The following ATXN10 variants were observed in gnomAD, a reference collection of about 807,000 sequenced individuals.
The protein encoded by ATXN10 is ataxin-10.
ATXN10 carries 28 observed loss-of-function variants against 52.9 expected under a neutral mutation model. That is an observed-to-expected ratio of 0.53 (90% CI 0.39 to 0.73). The LOEUF is 0.73. Ranked by LOEUF, ATXN10 falls within the 30% of genes least tolerant of loss-of-function variation. ATXN10 has a pLI of 0.00. For synonymous variants in ATXN10, 226 were observed against 221.5 expected, an observed-to-expected ratio of 1.02 and a Z score of -0.18; for missense variants, 565 against 577.0, an observed-to-expected ratio of 0.98 and a Z score of 0.21.
chr22:45,795,869 G>A lies in ATXN10; in HGVS notation c.1174-11090G>A, dbSNP rs372539592. 2.0e-5 allele frequency among the ~76,000 whole-genome samples: 3 copies of A among 152,292 alleles called. No homozygotes were observed. Among genetic ancestry groups the A allele is most frequent in the African/African-American group, 7.2e-5 (3 of 41,560 alleles). On this transcript the variant is annotated intron_variant, in intron 9 of 11. Transcript: ENST00000252934. The surrounding 1 kb of genome is among the most constrained non-coding windows in gnomAD (Gnocchi z 4.6). ...TCATCTTCATAAGCTGAGGATGTATGTCACCTCAGGATCCCGTGATGATCA... is the reference window on the plus strand; with the variant it reads ...TCATCTTCATAAGCTGAGGATGTATATCACCTCAGGATCCCGTGATGATCA...
At chr22:45,700,986 C>G (rs575421845) in intron 4 of ATXN10, among the ~76,000 whole-genome samples, 2 of 152,206 alleles carry the variant, frequency 1.3e-5, no homozygotes, top group East Asian at 3.9e-4. Flanking sequence ...TTCTTAAAAA[C>G]CAGCTCTGTT....
At chr22:45,672,333 G>T (rs377225881) in intron 1 of ATXN10, 154 bp downstream of exon 1, 8 of 833,898 alleles carry the variant, frequency 9.6e-6, no homozygotes, top group African/African-American at 1.8e-5. Context: ...CAGGCCTCCC[G>T]ACTCCCAGGC....
rs1926605095 is a variant in ATXN10 at position 45,766,990 on chromosome 22, C to G, written c.1173+26452C>G. 6.6e-6 allele frequency among the ~76,000 whole-genome samples: 1 copy of G among 152,166 alleles called. No homozygotes were observed. The highest frequency in any genetic ancestry group is 2.4e-5 in the African/African-American group (1 of 41,424). ...GTGATATCAAATGTAGTTGGCAAGA[C>G]CATAGGGCAACAAATATTCTCTTGC... On this transcript the variant is annotated intron_variant, in intron 9 of 11. Coordinates refer to ENST00000252934, the MANE Select transcript of ATXN10 (RefSeq NM_013236.4). This position sits in a 1 kb window ranked among gnomAD's most constrained non-coding sequence, Gnocchi z 4.6.
chr22:45,778,156 A>G (rs1026592870), intron 9 of ATXN10, among the ~76,000 whole-genome samples: 10 of 152,254 alleles, frequency 6.6e-5, no homozygotes, highest in African/African-American at 2.4e-4. Context: ...TTAATGCAAT[A>G]AAAAACTCAG....
rs536777868 is a variant in ATXN10, at chr22:45,824,400, T to C, written c.1237+17378T>C. On this transcript the variant is annotated intron_variant, in intron 10 of 11. Coordinates refer to ENST00000252934, the MANE Select transcript of ATXN10 (RefSeq NM_013236.4). The surrounding 1 kb of genome is among the most constrained non-coding windows in gnomAD (Gnocchi z 5.2). ...CTGTAATTTAACATTGTAGCTTTTA[T>C]AGTACTTTGTAATTATGTGTTTATT... Among the ~76,000 whole-genome samples, 48 of 152,328 alleles carry C rather than the reference T, an allele frequency of 3.2e-4. 1 individual carries two copies. The highest frequency in any genetic ancestry group is 3.4e-3 in the Middle Eastern group (1 of 294).
At position 45,711,571 on chromosome 22, in the gene ATXN10, C is replaced by G. The variant is rs550079877; in HGVS notation, c.648-6842C>G. Among the ~76,000 whole-genome samples the G allele has an allele frequency of 2.6e-5, 4 of 152,276 alleles. No individual in the cohort carries two copies. In the South Asian group the frequency reaches 8.3e-4, roughly 32 times the overall value. ...CCGCACATCGTGTCACTGTCAGCAT[C>G]TGGGTTGTCACATACTATAGTTTTA... is the stretch of plus-strand genomic sequence containing the variant. On this transcript the variant is annotated intron_variant, in intron 5 of 11. Coordinates refer to ENST00000252934, the MANE Select transcript of ATXN10 (RefSeq NM_013236.4).
chr22:45,744,427 A>G lies in ATXN10; in HGVS notation c.1173+3889A>G, dbSNP rs1925651872. On this transcript the variant is annotated intron_variant, in intron 9 of 11. Transcript: ENST00000252934. The surrounding 1 kb of genome is among the most constrained non-coding windows in gnomAD (Gnocchi z 4.9). ...TTCCAGAGCTCTTTTCATCTGCTTTAGTTTGTTGGAGCCTTATGATACCTC... is the reference window on the plus strand; with the variant it reads ...TTCCAGAGCTCTTTTCATCTGCTTTGGTTTGTTGGAGCCTTATGATACCTC... 1 of 152,158 alleles carries G rather than the reference A, an allele frequency of 6.6e-6. No homozygotes were observed. Among genetic ancestry groups the G allele is most frequent in the African/African-American group, 2.4e-5 (1 of 41,410 alleles). 9.4% of individuals were successfully genotyped at this position (152,158 alleles called of 1,614,324 possible).
chr22:45,753,201 C>T (rs1217144344), intron 9 of ATXN10, among the ~76,000 whole-genome samples: 2 of 147,390 alleles, frequency 1.4e-5, no homozygotes, highest in African/African-American at 4.9e-5. Flanking sequence ...TCTCCACCCG[C>T]GGTTTCTTTT....
In ATXN10 at chr22:45,690,457, T is replaced by TA. The variant is rs561189843; in HGVS notation, c.308+555dup. On this transcript the variant is annotated intron_variant, in intron 2 of 11. Transcript: ENST00000252934. The surrounding 1 kb of genome is among the most constrained non-coding windows in gnomAD (Gnocchi z 4.5). The stretch of plus-strand genomic sequence containing the variant: ...AGGGGTTAGATTTCTTGTTTGTTTT[T>TA]ATCACATGTTTTGAGGTATTTGGTT... Among the ~76,000 whole-genome samples, 443 of 152,330 alleles carry TA rather than the reference T, an allele frequency of 2.9e-3. 2 individuals are homozygous for TA. The highest frequency in any genetic ancestry group is 8.7e-3 in the South Asian group (42 of 4,822).
chr22:45,822,617 A>G (rs1277707812), intron 10 of ATXN10, among the ~76,000 whole-genome samples: 3 of 136,804 alleles, frequency 2.2e-5, no homozygotes, highest in Non-Finnish European at 4.5e-5. Flanking sequence ...TGCAACCTCC[A>G]TCTCCTGGGT....
rs1214956605 is a variant in ATXN10, at chr22:45,786,191, A to G, written c.1174-20768A>G. On this transcript the variant is annotated intron_variant, in intron 9 of 11. Coordinates refer to ENST00000252934, the MANE Select transcript of ATXN10 (RefSeq NM_013236.4). The surrounding 1 kb of genome is among the most constrained non-coding windows in gnomAD (Gnocchi z 4.1). Reference sequence around the variant, plus strand: ...GTAGTTGAACTCAGAGAATATTTGTATTAATCACATTGTGTTTTGTACTTC... The same window carrying G: ...GTAGTTGAACTCAGAGAATATTTGTGTTAATCACATTGTGTTTTGTACTTC... 6.6e-6 allele frequency among the ~76,000 whole-genome samples: 1 copy of G among 152,240 alleles called. No homozygotes were observed. Among genetic ancestry groups the G allele is most frequent in the African/African-American group, 2.4e-5 (1 of 41,466 alleles).
intron 3 of ATXN10, among the ~76,000 whole-genome samples, chr22:45,699,219 A>T (rs1242895920): frequency 6.6e-6 from 1 of 152,186 alleles, no homozygotes; most frequent in Non-Finnish European, 1.5e-5. Flanking sequence ...TTACATAAAG[A>T]TCAGTTGATA....
rs965371711 is a variant in ATXN10, at chr22:45,750,937, C to T, written c.1173+10399C>T. On this transcript the variant is annotated intron_variant, in intron 9 of 11. Coordinates refer to ENST00000252934, the MANE Select transcript of ATXN10 (RefSeq NM_013236.4). The surrounding 1 kb of genome is among the most constrained non-coding windows in gnomAD (Gnocchi z 4.2). ...GTAATTCTTTCTTTCTTCTACTTTC[C>T]TGTTTTTTTTTGAGACAGAGTCTTG... Among the ~76,000 whole-genome samples the T allele has an allele frequency of 1.0e-5, 1 of 98,412 alleles. No individual in the cohort carries two copies. Among genetic ancestry groups the T allele is most frequent in the South Asian group, 4.6e-4 (1 of 2,190 alleles). 64.6% of individuals were successfully genotyped at this position (98,412 alleles called of 152,430 possible).
chr22:45,758,525 A>T (rs903156252), intron 9 of ATXN10, among the ~76,000 whole-genome samples: 2 of 152,226 alleles, frequency 1.3e-5, no homozygotes, highest in African/African-American at 4.8e-5. Flanking sequence ...TATCACACGT[A>T]ATTCAAGGTT....
intron 9 of ATXN10, among the ~76,000 whole-genome samples, chr22:45,767,402 T>C (rs903176234): frequency 3.9e-4 from 60 of 151,958 alleles, no homozygotes; most frequent in African/African-American, 1.4e-3. Context: ...TACATATTCA[T>C]ATATTTATAT....
chr22:45,720,812 G>A (rs1037050022), intron 6 of ATXN10, among the ~76,000 whole-genome samples: 23 of 152,188 alleles, frequency 1.5e-4, no homozygotes, highest in African/African-American at 5.3e-4. Context: ...GTCCTGGAGA[G>A]TGGGTAATTT....
rs1924022279 is a variant in ATXN10, at chr22:45,705,917, G to A, written c.647+3070G>A. Among the ~76,000 whole-genome samples, 1 of 152,180 alleles carries A rather than the reference G, an allele frequency of 6.6e-6. No homozygotes were observed. Among genetic ancestry groups the A allele is most frequent in the Non-Finnish European group, 1.5e-5 (1 of 68,038 alleles). ...ATAGCACAAGATAAGCAGCAGGCAAGCAAGCATTCCTGCCTGAGCGCCACT... is the reference window on the plus strand; with the variant it reads ...ATAGCACAAGATAAGCAGCAGGCAAACAAGCATTCCTGCCTGAGCGCCACT... On this transcript the variant is annotated intron_variant, in intron 5 of 11. Coordinates refer to ENST00000252934, the MANE Select transcript of ATXN10 (RefSeq NM_013236.4). The surrounding 1 kb of genome is among the most constrained non-coding windows in gnomAD (Gnocchi z 5.2).
chr22:45,715,144 C>G lies in ATXN10; in HGVS notation c.648-3269C>G, dbSNP rs560216011. Among the ~76,000 whole-genome samples the G allele has an allele frequency of 3.3e-4, 50 of 152,296 alleles. No homozygotes were observed. Among genetic ancestry groups the G allele is most frequent in the African/African-American group, 1.2e-3 (49 of 41,558 alleles). On this transcript the variant is annotated intron_variant, in intron 5 of 11. Coordinates refer to ENST00000252934, the MANE Select transcript of ATXN10 (RefSeq NM_013236.4). This position sits in a 1 kb window ranked among gnomAD's most constrained non-coding sequence, Gnocchi z 4.4. ...GATTTTATGAACATATTGATCAAAT[C>G]ACATTTATTGAACATTTGTTAGGAG...
chr22:45,809,515 T>A lies in ATXN10; in HGVS notation c.1237+2493T>A, dbSNP rs1343219759. ...AATAATATGCTTTATTGCTGTTTCT[T>A]GATATATCAAGTTTTGGTGTGACCT... is the stretch of plus-strand genomic sequence containing the variant. On this transcript the variant is annotated intron_variant, in intron 10 of 11. Coordinates refer to ENST00000252934, the MANE Select transcript of ATXN10 (RefSeq NM_013236.4). Among the ~76,000 whole-genome samples, 31 of 152,210 alleles carry A rather than the reference T, an allele frequency of 2.0e-4. 1 individual carries two copies. The highest frequency in any genetic ancestry group is 2.0e-3 in the Admixed American group (31 of 15,282).
Sources: gnomAD v4.1 joint callset for allele counts (sites outside exome capture counted in the v4.1 genomes callset) on GRCh38, gnomAD v4.1.1 for gene constraint, Gnocchi (gnomAD v3.1) non-coding constraint, MANE v1.5 for transcripts, NCBI Gene and HGNC (gene_info 2026-07-23, HGNC 2026-07-21) for gene names.